Variants in CEP85L observed in about 807,000 individuals in gnomAD.
CEP85L encodes the protein centrosomal protein of 85 kDa-like.
A neutral mutation model predicts 100.3 loss-of-function variants in CEP85L; 60 were observed. The observed-to-expected ratio is 0.60, with a 90% CI of 0.49 to 0.74. The LOEUF (loss-of-function observed/expected upper bound fraction) is 0.74, where lower values mean the gene tolerates loss of function less well. Among genes scored for constraint, CEP85L ranks in the 30% least tolerant of loss-of-function variants. The probability of loss-of-function intolerance (pLI) is 0.00; values close to 1 mark genes in which losing one functional copy is unlikely to be tolerated. For synonymous variants in CEP85L, 319 were observed against 322.7 expected (o/e 0.99, Z 0.12); for missense variants, 973 against 936.2 (o/e 1.04, Z -0.51).
chr6:118,520,755 A>G (rs1283346465), intron 4 of CEP85L, among the ~76,000 whole-genome samples: 1 of 152,176 alleles, frequency 6.6e-6, no homozygotes, highest in Admixed American at 6.5e-5. Context: ...AAACTTTCAA[A>G]AAACTTCATT....
At chr6:118,504,257 C>G (rs796485166) in intron 5 of CEP85L, among the ~76,000 whole-genome samples, 29 of 152,126 alleles carry the variant, frequency 1.9e-4, no homozygotes, top group African/African-American at 6.3e-4. Context: ...TGCCTGTAGT[C>G]CCAGCTACTT....
intron 1 of CEP85L, among the ~76,000 whole-genome samples, chr6:118,676,065 T>C (rs1276728730): frequency 1.3e-5 from 2 of 152,208 alleles, no homozygotes; most frequent in African/African-American, 4.8e-5. Flanking sequence ...TCGTTATTAC[T>C]ATTTTTTTTA....
chr6:118,563,275 A>G (rs1214730026), intron 3 of CEP85L, among the ~76,000 whole-genome samples: 4 of 152,238 alleles, frequency 2.6e-5, no homozygotes, highest in Admixed American at 6.5e-5. Context: ...CAACACACAC[A>G]TAAGAATGTG....
intron 2 of CEP85L, among the ~76,000 whole-genome samples, chr6:118,606,598 A>C (rs1376088727): frequency 1.3e-5 from 2 of 152,254 alleles, no homozygotes; most frequent in Non-Finnish European, 2.9e-5. Flanking sequence ...GGAGACCAAA[A>C]GTACTGCCAC....
intron 2 of CEP85L, among the ~76,000 whole-genome samples, chr6:118,617,619 C>T (rs539239716): frequency 2.0e-5 from 3 of 152,310 alleles, no homozygotes; most frequent in African/African-American, 2.4e-5. Context: ...GGCAATCACC[C>T]GAGCTAGCAG....
intron 3 of CEP85L, among the ~76,000 whole-genome samples, chr6:118,530,738 C>T (rs915661541): frequency 6.6e-6 from 1 of 151,292 alleles, no homozygotes; most frequent in Non-Finnish European, 1.5e-5. Flanking sequence ...AATTAAAGAA[C>T]ACAGTCCCAT....
chr6:118,514,540 A>G lies in CEP85L; in HGVS notation c.1140-3125T>C, dbSNP rs112912368. Among the ~76,000 whole-genome samples the G allele has an allele frequency of 1.6e-3, 230 of 142,798 alleles. 2 individuals are homozygous for G. The highest frequency in any genetic ancestry group is 2.9e-3 in the Non-Finnish European group (189 of 65,362). 93.7% of individuals were successfully genotyped at this position (142,798 alleles called of 152,430 possible). ...ACACTGTCTCAAAAAAAAAAAAAAA[A>G]AAAGAAAACAAATACCAATATAGGA... is the stretch of plus-strand genomic sequence containing the variant. On this transcript the variant is annotated intron_variant, in intron 4 of 12. Transcript: ENST00000368491.
At chr6:118,580,713 C>T (rs1271833400) in intron 2 of CEP85L, among the ~76,000 whole-genome samples, 2 of 152,240 alleles carry the variant, frequency 1.3e-5, no homozygotes, top group African/African-American at 4.8e-5. Context: ...GACCTCTGGA[C>T]CAGACCCAGC....
At chr6:118,559,230 T>C (rs1477803490) in intron 3 of CEP85L, 4 of 741,914 alleles carry the variant, frequency 5.4e-6, no homozygotes, top group African/African-American at 3.5e-5. Flanking sequence ...CTAAAACTTA[T>C]TGTTACCATA....
rs190635994 is a variant in CEP85L, at chr6:118,611,139, T to C, written c.232+21314A>G. On this transcript the variant is annotated intron_variant, in intron 2 of 12. Transcript: ENST00000368491. ...TAAATAAAATAGGCTTTCCTTCTTCTCCTGAGTTTCTTAAATTATGTTTGA... is the reference window on the plus strand; with the variant it reads ...TAAATAAAATAGGCTTTCCTTCTTCCCCTGAGTTTCTTAAATTATGTTTGA... Among the ~76,000 whole-genome samples, 4 of 152,310 alleles carry C rather than the reference T, an allele frequency of 2.6e-5. No individual in the cohort carries two copies. In the East Asian group the frequency reaches 7.7e-4, roughly 29 times the overall value.
In CEP85L at chr6:118,464,152, T is replaced by C. The variant is rs1245520950; in HGVS notation, c.*1253A>G. 1 of 152,150 alleles carries C rather than the reference T, an allele frequency of 6.6e-6. No individual in the cohort carries two copies. The highest frequency in any genetic ancestry group is 2.4e-5 in the African/African-American group (1 of 41,462). 9.4% of individuals were successfully genotyped at this position (152,150 alleles called of 1,614,324 possible). On this transcript the variant is annotated 3_prime_UTR_variant, in exon 13 of 13. Transcript: ENST00000368491. ...AAAACTAAGTATATTCAAAAGAACA[T>C]AATCAATGCTGAAGGCAATAAAATG...
At chr6:118,667,672 A>G (rs145296563) in intron 1 of CEP85L, among the ~76,000 whole-genome samples, 2 of 152,288 alleles carry the variant, frequency 1.3e-5, no homozygotes, top group East Asian at 3.9e-4. Context: ...TCATTTCTCT[A>G]TTCACAAGGG....
At chr6:118,661,355 C>T (rs1775967798) in intron 1 of CEP85L, among the ~76,000 whole-genome samples, 1 of 151,910 alleles carries the variant, frequency 6.6e-6, no homozygotes, top group South Asian at 2.1e-4. Context: ...GAACCTATAT[C>T]CAGAGTATTT....
intron 2 of CEP85L, among the ~76,000 whole-genome samples, chr6:118,615,102 T>C (rs939409094): frequency 6.6e-6 from 1 of 152,066 alleles, no homozygotes; most frequent in African/African-American, 2.4e-5. Flanking sequence ...AAATAAAAAA[T>C]CTAAATAAAT....
At chr6:118,535,687 G>A (rs1777549318) in intron 3 of CEP85L, among the ~76,000 whole-genome samples, 1 of 152,144 alleles carries the variant, frequency 6.6e-6, no homozygotes, top group Non-Finnish European at 1.5e-5. Flanking sequence ...CCACTGGCGT[G>A]TAGTGCCATC....
At chr6:118,603,090 G>T (rs1781867193) in intron 2 of CEP85L, among the ~76,000 whole-genome samples, 1 of 152,156 alleles carries the variant, frequency 6.6e-6, no homozygotes, top group African/African-American at 2.4e-5. Flanking sequence ...AAAGTGCTGA[G>T]ATTACAGGTG....
chr6:118,621,886 C>T (rs1056083711), intron 2 of CEP85L, among the ~76,000 whole-genome samples: 5 of 152,180 alleles, frequency 3.3e-5, no homozygotes, highest in Non-Finnish European at 5.9e-5. Flanking sequence ...AAAGGAGACC[C>T]AGAGGGCAAA....
At chr6:118,629,171 A>G (rs1773988077) in intron 2 of CEP85L, among the ~76,000 whole-genome samples, 1 of 152,130 alleles carries the variant, frequency 6.6e-6, no homozygotes, top group Non-Finnish European at 1.5e-5. Context: ...TTATATGTAA[A>G]TACTACACTA....
intron 5 of CEP85L, chr6:118,501,631 A>G: frequency 3.2e-6 from 2 of 628,374 alleles, no homozygotes; most frequent in Admixed American, 2.0e-5. Context: ...ACAACAAACC[A>G]GAGACCACTT....
Sources: gnomAD v4.1 joint callset for allele counts (sites outside exome capture counted in the v4.1 genomes callset) on GRCh38, gnomAD v4.1.1 for gene constraint, MANE v1.5 for transcripts, NCBI Gene and HGNC (gene_info 2026-07-23, HGNC 2026-07-21) for gene names.